The following TENT5A variants were observed in gnomAD, a reference collection of about 807,000 sequenced individuals.
The protein encoded by TENT5A is HBV X-transactivated gene 11 protein.
TENT5A carries 9 observed loss-of-function variants against 30.2 expected under a neutral mutation model. That is an observed-to-expected ratio of 0.30 (90% CI 0.18 to 0.52). The LOEUF is 0.52. TENT5A is among the 20% of genes least tolerant of loss of function. The pLI is 0.97. For missense variants in TENT5A, 411 were observed against 566.1 expected, an observed-to-expected ratio of 0.73 and a Z score of 2.78; for synonymous variants, 264 against 234.2, an observed-to-expected ratio of 1.13 and a Z score of -1.16.
At position 81,749,594 on chromosome 6, in the gene TENT5A, T is replaced by C; in HGVS notation, c.*101A>G. On this transcript the variant is annotated 3_prime_UTR_variant, in exon 3 of 3. Coordinates refer to ENST00000320172, the MANE Select transcript of TENT5A (RefSeq NM_017633.3). ...GCATATCATCATTGCACAAAACACA[T>C]CCCTAATAAGGGCTGGATCACTCTT... 1 of 1,482,422 alleles carries C rather than the reference T, an allele frequency of 6.7e-7. No individual in the cohort carries two copies. Among genetic ancestry groups the C allele is most frequent in the Non-Finnish European group, 8.9e-7 (1 of 1,121,836 alleles). 91.8% of individuals were successfully genotyped at this position (1,482,422 alleles called of 1,614,324 possible). A position where few individuals can be genotyped will look rare whatever the true frequency, so the allele number is the denominator to read the frequency against.
In TENT5A at chr6:81,752,172, G is replaced by A. The variant is rs199725829; in HGVS notation, c.-31C>T. ...GCCCGCCGAGCGCCACTTGGCCCTG[G>A]TCAGTCCTAAAAAGAAAGGGAAAGG... On this transcript the variant is annotated 5_prime_UTR_variant, in exon 2 of 3. Transcript: ENST00000320172. 1,298 of 1,514,864 alleles carry A rather than the reference G, an allele frequency of 8.6e-4. 9 individuals carry two copies. In the African/African-American group the frequency reaches 0.016, roughly 18 times the overall value. 93.8% of individuals were successfully genotyped at this position (1,514,864 alleles called of 1,614,324 possible). A position where few individuals can be genotyped will look rare whatever the true frequency, so the allele number is the denominator to read the frequency against.
chr6:81,752,073 T>TCGCCGCCA lies in TENT5A; in HGVS notation c.68_69insTGGCGGCG (p.Asp26GlufsTer44). 2 of 800,710 alleles carry TCGCCGCCA rather than the reference T, an allele frequency of 2.5e-6. No individual in the cohort carries two copies. The highest frequency in any genetic ancestry group is 4.3e-5 in the East Asian group (1 of 23,180). The allele number at this position is 800,710 out of a possible 1,614,324, so 49.6% of individuals were successfully genotyped here. ...AGTCGCCGCCGCCGAAGTCGCCGCC[T>TCGCCGCCA]AGGGGGATGTAGGGGCTGCAGGCCA... On this transcript the variant is annotated frameshift_variant, in exon 2 of 3. Coordinates refer to ENST00000320172, the MANE Select transcript of TENT5A (RefSeq NM_017633.3). LOFTEE classifies it high-confidence loss of function.
chr6:81,752,261 GA>G, intron 1 of TENT5A, 83 bp from the exon 2 acceptor site: 3 of 1,482,094 alleles, frequency 2.0e-6, no homozygotes, highest in Non-Finnish European at 1.8e-6. Flanking sequence ...GGCCCGCCAG[GA>G]AAAGAGCGCC....
rs908465470 is a variant in TENT5A at position 81,747,880 on chromosome 6, G to A, written c.*1815C>T. 2 of 985,650 alleles carry A rather than the reference G, an allele frequency of 2.0e-6. No individual in the cohort carries two copies. The highest frequency in any genetic ancestry group is 3.5e-5 in the African/African-American group (2 of 57,220). 61.1% of individuals were successfully genotyped at this position (985,650 alleles called of 1,614,324 possible). A position where few individuals can be genotyped will look rare whatever the true frequency, so the allele number is the denominator to read the frequency against. On this transcript the variant is annotated 3_prime_UTR_variant, in exon 3 of 3. Coordinates refer to ENST00000320172, the MANE Select transcript of TENT5A (RefSeq NM_017633.3). ...TTATTGAACTGAAATAGTAATGCCA[G>A]TTCATTTCACAAAGGTATAACTGGT...
Position 81,746,642 on chromosome 6 carries a change from G to T in TENT5A, c.*3053C>A. 2 of 1,231,638 alleles carry T rather than the reference G, an allele frequency of 1.6e-6. No individual in the cohort carries two copies. The highest frequency in any genetic ancestry group is 8.2e-5 in the South Asian group (2 of 24,262). 76.3% of individuals were successfully genotyped at this position (1,231,638 alleles called of 1,614,324 possible). On this transcript the variant is annotated 3_prime_UTR_variant, in exon 3 of 3. Coordinates refer to ENST00000320172, the MANE Select transcript of TENT5A (RefSeq NM_017633.3). ...ATGTGTTCTCTGACATGCCAGGCTG[G>T]ACAGGTGAGAAGAGCCTCCAAAAGA... is the stretch of plus-strand genomic sequence containing the variant.
Position 81,749,701 on chromosome 6 carries a change from G to A in TENT5A, c.1323C>T (p.Cys441=). Residue 441 remains cysteine, a synonymous_variant, in exon 3 of 3, where the codon TGC becomes TGT. Transcript: ENST00000320172. The stretch of plus-strand genomic sequence containing the variant: ...GGACATTTTTAAATGATTCTTAATT[G>A]CAGGGTAGCCAAGTGGAGTAGGTCT... ...QQQTYSTWLP[C]N 1.3e-6 allele frequency: 2 copies of A among 1,577,654 alleles called. No homozygotes were observed. Among genetic ancestry groups the A allele is most frequent in the Non-Finnish European group, 1.7e-6 (2 of 1,160,440 alleles).
chr6:81,750,178 G>A lies in TENT5A; in HGVS notation c.846C>T (p.Thr282=). 1.2e-6 allele frequency: 2 copies of A among 1,614,126 alleles called. No individual in the cohort carries two copies. Among genetic ancestry groups the A allele is most frequent in the Non-Finnish European group, 1.7e-6 (2 of 1,180,012 alleles). The stretch of plus-strand genomic sequence containing the variant: ...CCCCTCGGATTTCCTCTGGGTTCCT[G>A]GTGGCAATGATCTTGTTACAAAGGT... The part of the protein sequence containing the change: ...FDHLCNKIIA[T]RNPEEIRGGG... Residue 282 remains threonine (T), a synonymous_variant, in exon 3 of 3, where the codon ACC becomes ACT. Coordinates refer to ENST00000320172, the MANE Select transcript of TENT5A (RefSeq NM_017633.3). The surrounding 1 kb of genome is among the most constrained non-coding windows in gnomAD (Gnocchi z 4.2).
rs1456885615 is a variant in TENT5A at position 81,751,780 on chromosome 6, T to C, written c.362A>G (p.Asn121Ser). The change falls in exon 2 of 3, where the codon AAC becomes AGC. Residue 121 changes from asparagine to serine, a missense_variant. Asn to Ser is a conservative substitution (Grantham distance 46). Coordinates refer to ENST00000320172, the MANE Select transcript of TENT5A (RefSeq NM_017633.3). ...CAGGACATGGCTGGCTGCCGAGCCG[T>C]TGAGGCGCACGTCGCGGACGCCAAT... ...KRIGVRDVRL[N>S]GSAASHVLHQ... The C allele has an allele frequency of 1.2e-6, 2 of 1,613,256 alleles. No individual in the cohort carries two copies. The highest frequency in any genetic ancestry group is 1.7e-6 in the Non-Finnish European group (2 of 1,179,910).
rs761144101 is a variant in TENT5A, at chr6:81,752,648, C to A, written c.-255G>T. 1.4e-6 allele frequency: 1 copy of A among 718,408 alleles called. No homozygotes were observed. 44.5% of individuals were successfully genotyped at this position (718,408 alleles called of 1,614,324 possible). A position where few individuals can be genotyped will look rare whatever the true frequency, so the allele number is the denominator to read the frequency against. On this transcript the variant is annotated 5_prime_UTR_variant, in exon 1 of 3. Coordinates refer to ENST00000320172, the MANE Select transcript of TENT5A (RefSeq NM_017633.3). ...CGAACTGGCGGCTCTTGCTGCCACACACGCTCGTGTCTCTGGAGCTTTAGC... is the reference window on the plus strand; with the variant it reads ...CGAACTGGCGGCTCTTGCTGCCACAAACGCTCGTGTCTCTGGAGCTTTAGC...
rs940858519 is a variant in TENT5A at position 81,747,712 on chromosome 6, T to C, written c.*1983A>G. 15 of 985,442 alleles carry C rather than the reference T, an allele frequency of 1.5e-5. No individual in the cohort carries two copies. In the African/African-American group the frequency reaches 2.1e-4, roughly 14 times the overall value. 61.0% of individuals were successfully genotyped at this position (985,442 alleles called of 1,614,324 possible). On this transcript the variant is annotated 3_prime_UTR_variant, in exon 3 of 3. Transcript: ENST00000320172. ...ATAGCAAGCAGTCATCCACTAAGGT[T>C]GTGGAGATTATGTGGTTGTTTCACA...
At position 81,752,176 on chromosome 6, in the gene TENT5A, G is replaced by A. The variant is rs778202175; in HGVS notation, c.-35C>T. Reference sequence around the variant, plus strand: ...GCCGAGCGCCACTTGGCCCTGGTCAGTCCTAAAAAGAAAGGGAAAGGAGCG... The same window carrying A: ...GCCGAGCGCCACTTGGCCCTGGTCAATCCTAAAAAGAAAGGGAAAGGAGCG... On this transcript the variant is annotated splice_region_variant and 5_prime_UTR_variant, in exon 2 of 3. Coordinates refer to ENST00000320172, the MANE Select transcript of TENT5A (RefSeq NM_017633.3). 6.7e-7 allele frequency: 1 copy of A among 1,501,974 alleles called. No homozygotes were observed. Among genetic ancestry groups the A allele is most frequent in the East Asian group, 2.4e-5 (1 of 41,004 alleles). 93.0% of individuals were successfully genotyped at this position (1,501,974 alleles called of 1,614,324 possible).
rs955360974 is a variant in TENT5A, at chr6:81,752,280, C to G, written c.-37-102G>C. On this transcript the variant is annotated intron_variant, in intron 1 of 2. Coordinates refer to ENST00000320172, the MANE Select transcript of TENT5A (RefSeq NM_017633.3). ...CGCCAGGAAAAGAGCGCCCCCTCCCCCGATAGTTCCCTGACCCCGGGCCTC... is the reference window on the plus strand; with the variant it reads ...CGCCAGGAAAAGAGCGCCCCCTCCCGCGATAGTTCCCTGACCCCGGGCCTC... 2.9e-5 allele frequency: 43 copies of G among 1,500,470 alleles called. No homozygotes were observed. The African/African-American group carries it at 5.4e-4, about 19-fold the overall frequency. The allele number at this position is 1,500,470 out of a possible 1,614,324, so 92.9% of individuals were successfully genotyped here.
intron 1 of TENT5A, 40 bp downstream of exon 1, chr6:81,752,391 T>G (rs1390022446): frequency 2.6e-6 from 4 of 1,548,542 alleles, no homozygotes; most frequent in Admixed American, 2.0e-5. Context: ...GTATCTCTGA[T>G]GCATCTGGAA....
At position 81,747,295 on chromosome 6, in the gene TENT5A, C is replaced by T. The variant is rs933861226; in HGVS notation, c.*2400G>A. ...AGCTCTGGTTTCTGATAGGTGAGTG[C>T]CAGGCTTAATCTGCAAACTGAACAA... On this transcript the variant is annotated 3_prime_UTR_variant, in exon 3 of 3. Transcript: ENST00000320172. The T allele has an allele frequency of 5.1e-6, 5 of 985,778 alleles. No homozygotes were observed. The highest frequency in any genetic ancestry group is 6.0e-6 in the Non-Finnish European group (5 of 829,908). The allele number at this position is 985,778 out of a possible 1,614,324, so 61.1% of individuals were successfully genotyped here.
In TENT5A at chr6:81,748,873, G is replaced by A. The variant is rs1768940312; in HGVS notation, c.*822C>T. On this transcript the variant is annotated 3_prime_UTR_variant, in exon 3 of 3. Transcript: ENST00000320172. ...ACTTCAAATTTTCAGAAGGCAACAG[G>A]CACTTTGATGTATATTGGTGTGTAA... 1 of 985,080 alleles carries A rather than the reference G, an allele frequency of 1.0e-6. No homozygotes were observed. The highest frequency in any genetic ancestry group is 1.2e-6 in the Non-Finnish European group (1 of 829,412). 61.0% of individuals were successfully genotyped at this position (985,080 alleles called of 1,614,324 possible).
rs2127725989 is a variant in TENT5A at position 81,747,975 on chromosome 6, A to T, written c.*1720T>A. 1 of 984,286 alleles carries T rather than the reference A, an allele frequency of 1.0e-6. No homozygotes were observed. The highest frequency in any genetic ancestry group is 4.7e-5 in the South Asian group (1 of 21,258). The allele number at this position is 984,286 out of a possible 1,614,324, so 61.0% of individuals were successfully genotyped here. On this transcript the variant is annotated 3_prime_UTR_variant, in exon 3 of 3. Transcript: ENST00000320172. ...AGCGATTTAAAGTACAGTACTAAAT[A>T]TTTAAATGCAGTGTGACAACCAGAT...
chr6:81,751,390 C>T (rs1769029693), intron 2 of TENT5A, among the ~76,000 whole-genome samples, 200 bp downstream of exon 2: 2 of 152,180 alleles, frequency 1.3e-5, no homozygotes, highest in African/African-American at 2.4e-5. Context: ...AGCGCCAAAG[C>T]ATCAAGTAAA....
rs770835414 is a variant in TENT5A at position 81,749,065 on chromosome 6, T to C, written c.*630A>G. The C allele has an allele frequency of 5.1e-6, 5 of 985,884 alleles. No homozygotes were observed. The highest frequency in any genetic ancestry group is 6.0e-6 in the Non-Finnish European group (5 of 829,942). 61.1% of individuals were successfully genotyped at this position (985,884 alleles called of 1,614,324 possible). A position where few individuals can be genotyped will look rare whatever the true frequency, so the allele number is the denominator to read the frequency against. ...GCACGCAGCTGGAATTAATGGATTG[T>C]GTCATCATAAGTTCTGCTGATTGTT... is the stretch of plus-strand genomic sequence containing the variant. On this transcript the variant is annotated 3_prime_UTR_variant, in exon 3 of 3. Coordinates refer to ENST00000320172, the MANE Select transcript of TENT5A (RefSeq NM_017633.3).
Position 81,747,877 on chromosome 6 carries a change from C to T in TENT5A, c.*1818G>A, listed in dbSNP as rs150515644. 2.0e-6 allele frequency: 2 copies of T among 985,554 alleles called. No individual in the cohort carries two copies. The highest frequency in any genetic ancestry group is 1.1e-4 in the East Asian group (1 of 8,818). 61.1% of individuals were successfully genotyped at this position (985,554 alleles called of 1,614,324 possible). A position where few individuals can be genotyped will look rare whatever the true frequency, so the allele number is the denominator to read the frequency against. Reference sequence around the variant, plus strand: ...CTGTTATTGAACTGAAATAGTAATGCCAGTTCATTTCACAAAGGTATAACT... The same window carrying T: ...CTGTTATTGAACTGAAATAGTAATGTCAGTTCATTTCACAAAGGTATAACT... On this transcript the variant is annotated 3_prime_UTR_variant, in exon 3 of 3. Transcript: ENST00000320172.
Sources: gnomAD v4.1 joint callset for allele counts (sites outside exome capture counted in the v4.1 genomes callset) on GRCh38, gnomAD v4.1.1 for gene constraint, Gnocchi (gnomAD v3.1) non-coding constraint, MANE v1.5 for transcripts, NCBI Gene and HGNC (gene_info 2026-07-23, HGNC 2026-07-21) for gene names.